CAST: variants seen among roughly 807,000 people sequenced by gnomAD.
CAST encodes the protein MIR583 host.
In CAST, 76 loss-of-function variants were observed where a neutral mutation model predicts 119.6. The observed-to-expected ratio is 0.64, with a 90% CI of 0.53 to 0.77. The LOEUF (loss-of-function observed/expected upper bound fraction) is 0.77. CAST is among the 30% of genes least tolerant of loss of function. The pLI is 0.00. For missense variants in CAST, 953 were observed against 946.5 expected, an observed-to-expected ratio of 1.01 and a Z score of -0.09; for synonymous variants, 319 against 331.6, an observed-to-expected ratio of 0.96 and a Z score of 0.41.
intron 1 of CAST, among the ~76,000 whole-genome samples, chr5:96,609,157 A>C (rs1747315611): frequency 6.6e-6 from 1 of 152,208 alleles, no homozygotes; most frequent in Non-Finnish European, 1.5e-5. Context: ...TGTAATCCTC[A>C]TCATTTTTCC....
At chr5:96,146,511 T>A in the CAST span, among the ~76,000 whole-genome samples, 1 of 152,254 alleles carries the variant, frequency 6.6e-6, no homozygotes, top group Admixed American at 6.5e-5. Context: ...CTATTGGTCT[T>A]GGGAACTACA....
At chr5:96,441,989 A>T in the CAST span, among the ~76,000 whole-genome samples, 1 of 152,170 alleles carries the variant, frequency 6.6e-6, no homozygotes. Context: ...CAATTTTCAC[A>T]AGGATTTCCA....
chr5:96,377,200 T>G, the CAST span, among the ~76,000 whole-genome samples: 2 of 151,900 alleles, frequency 1.3e-5, no homozygotes, highest in African/African-American at 4.8e-5. Flanking sequence ...AAAAATTAAA[T>G]TTATAAAGTA....
At chr5:96,423,657 G>T in the CAST span, among the ~76,000 whole-genome samples, 3 of 152,150 alleles carry the variant, frequency 2.0e-5, no homozygotes, top group South Asian at 2.1e-4. Flanking sequence ...CTCTTCTCCC[G>T]ATTGTCCCAA....
At chr5:96,209,272 ACT>A in the CAST span, among the ~76,000 whole-genome samples, 4 of 152,010 alleles carry the variant, frequency 2.6e-5, no homozygotes, top group African/African-American at 9.7e-5. Flanking sequence ...TCTGTATCCA[ACT>A]TGCCACTCTG....
At chr5:96,078,579 G>A in the CAST span, among the ~76,000 whole-genome samples, 2 of 152,086 alleles carry the variant, frequency 1.3e-5, no homozygotes, top group African/African-American at 4.8e-5. Context: ...TATTTTAGTA[G>A]AGATGGGGTT....
chr5:96,310,276 A>G, the CAST span, among the ~76,000 whole-genome samples: 2 of 152,338 alleles, frequency 1.3e-5, no homozygotes, highest in African/African-American at 4.8e-5. Flanking sequence ...TCCCAGGAAT[A>G]AGTCTCACTT....
chr5:96,662,245 G>C (rs912446646), upstream of CAST: 32 of 703,194 alleles, frequency 4.6e-5, no homozygotes, highest in Admixed American at 8.9e-5. Flanking sequence ...AGGGCCCATC[G>C]GGGCTAGGGG....
chr5:96,429,409 C>T, the CAST span: 1 of 716,380 alleles, frequency 1.4e-6, no homozygotes, highest in Non-Finnish European at 2.5e-6. Flanking sequence ...AGATAGGCAA[C>T]TTTTATTAAG....
the CAST span, among the ~76,000 whole-genome samples, chr5:96,161,566 G>GTAAATTTTAAAAGAACAA: frequency 1.3e-5 from 2 of 152,116 alleles, no homozygotes; most frequent in Non-Finnish European, 2.9e-5. Context: ...CAGGAGGTAT[G>GTAAATTTTAAAAGAACAA]AGTCCTACTT....
chr5:96,324,696 TA>T, the CAST span, among the ~76,000 whole-genome samples: 1 of 152,190 alleles, frequency 6.6e-6, no homozygotes, highest in Non-Finnish European at 1.5e-5. Context: ...TTAAACATTT[TA>T]AAAAATGGTC....
At chr5:96,481,061 C>G in the CAST span, among the ~76,000 whole-genome samples, 2 of 151,708 alleles carry the variant, frequency 1.3e-5, no homozygotes, top group African/African-American at 2.4e-5. Flanking sequence ...TCTCAGGAGA[C>G]AGGCTTACAG....
the CAST span, among the ~76,000 whole-genome samples, chr5:96,065,637 C>T: frequency 6.6e-6 from 1 of 152,072 alleles, no homozygotes; most frequent in Non-Finnish European, 1.5e-5. Flanking sequence ...AAAGACACCA[C>T]AATCTAGAAA....
intron 20 of CAST, among the ~76,000 whole-genome samples, chr5:96,751,056 TTA>T: frequency 1.3e-5 from 2 of 152,318 alleles, no homozygotes; most frequent in Middle Eastern, 6.8e-3. Flanking sequence ...AGTAAAATCA[TTA>T]TGATTCCTCC....
the CAST span, among the ~76,000 whole-genome samples, chr5:96,001,134 C>G: frequency 6.6e-6 from 1 of 152,150 alleles, no homozygotes; most frequent in Non-Finnish European, 1.5e-5. Context: ...AGACCCTTTT[C>G]AGACTGAATG....
intron 1 of CAST, among the ~76,000 whole-genome samples, chr5:96,559,544 A>G (rs953295084): frequency 1.3e-5 from 2 of 152,352 alleles, no homozygotes; most frequent in African/African-American, 2.4e-5. Flanking sequence ...AAAAATCACA[A>G]GCATTCTTAT....
At chr5:96,588,264 C>G (rs1158579719) in intron 1 of CAST, among the ~76,000 whole-genome samples, 4 of 119,962 alleles carry the variant, frequency 3.3e-5, no homozygotes, top group African/African-American at 1.3e-4. Context: ...TGCAGTGGTG[C>G]AATCTCGGCT....
At chr5:96,099,921 A>C in the CAST span, among the ~76,000 whole-genome samples, 1 of 152,214 alleles carries the variant, frequency 6.6e-6, no homozygotes, top group African/African-American at 2.4e-5. Flanking sequence ...TCTTCTATGT[A>C]TATCTGGTAG....
the CAST span, among the ~76,000 whole-genome samples, chr5:96,139,168 T>C: frequency 2.6e-5 from 4 of 152,038 alleles, no homozygotes; most frequent in Admixed American, 2.6e-4. Flanking sequence ...CTCTTTATAT[T>C]TTATTTGATT....
Sources: gnomAD v4.1 joint callset for allele counts (sites outside exome capture counted in the v4.1 genomes callset) on GRCh38, gnomAD v4.1.1 for gene constraint, MANE v1.5 for transcripts, NCBI Gene and HGNC (gene_info 2026-07-23, HGNC 2026-07-21) for gene names.